PDE8B: variants seen among roughly 807,000 people sequenced by gnomAD.
The protein encoded by PDE8B is phosphodiesterase 8B, also known as high affinity cAMP-specific and IBMX-insensitive 3',5'-cyclic phosphodiesterase 8B.
A neutral mutation model predicts 101.3 loss-of-function variants in PDE8B; 26 were observed. The ratio of observed to expected loss-of-function variants is 0.26; its 90% CI spans 0.19 to 0.36. PDE8B has a LOEUF of 0.36. Ranked by LOEUF, PDE8B falls within the 10% of genes least tolerant of loss-of-function variation. The pLI is 1.00. For missense variants in PDE8B, 810 were observed against 1,163.1 expected (o/e 0.70, Z 4.42); for synonymous variants, 424 against 429.3 (o/e 0.99, Z 0.15).
chr5:77,205,975 T>C (rs1238001052), upstream of PDE8B, among the ~76,000 whole-genome samples: 1 of 152,206 alleles, frequency 6.6e-6, no homozygotes, highest in East Asian at 1.9e-4. Context: ...ATTTTATTAT[T>C]CTGGCTTTTT....
intron 1 of PDE8B, among the ~76,000 whole-genome samples, chr5:77,222,711 G>A (rs1361568370): frequency 6.6e-6 from 1 of 152,208 alleles, no homozygotes; most frequent in Non-Finnish European, 1.5e-5. Flanking sequence ...TTACGGATTG[G>A]GAATTGGGTT....
intron 11 of PDE8B, among the ~76,000 whole-genome samples, chr5:77,402,336 A>T (rs1246681665): frequency 6.6e-6 from 1 of 152,114 alleles, no homozygotes; most frequent in Non-Finnish European, 1.5e-5. Flanking sequence ...AAATTAGGAA[A>T]AGAGATAGTA....
At chr5:77,109,553 A>G in the PDE8B span, among the ~76,000 whole-genome samples, 2 of 152,204 alleles carry the variant, frequency 1.3e-5, no homozygotes, top group Non-Finnish European at 2.9e-5. Context: ...TGGCTAACCA[A>G]TGCTATATCT....
At chr5:77,223,568 G>A (rs897392050) in intron 1 of PDE8B, among the ~76,000 whole-genome samples, 2 of 151,856 alleles carry the variant, frequency 1.3e-5, no homozygotes, top group Non-Finnish European at 2.9e-5. Context: ...TCTAAGTCAA[G>A]CATTTACAAT....
intron 1 of PDE8B, among the ~76,000 whole-genome samples, chr5:77,230,031 G>A (rs1458757079): frequency 1.3e-5 from 2 of 152,168 alleles, no homozygotes; most frequent in African/African-American, 4.8e-5. Context: ...CGAAGTGGCC[G>A]TACCAGTTTC....
intron 2 of PDE8B, among the ~76,000 whole-genome samples, chr5:77,323,199 T>G (rs1348047383): frequency 6.6e-6 from 1 of 152,222 alleles, no homozygotes; most frequent in African/African-American, 2.4e-5. Flanking sequence ...GTTAACAGTT[T>G]GATTTGAAGG....
chr5:77,368,975 G>C (rs1016658779), intron 10 of PDE8B, among the ~76,000 whole-genome samples: 8 of 152,160 alleles, frequency 5.3e-5, no homozygotes, highest in African/African-American at 1.7e-4. Flanking sequence ...GGCTGAAGCA[G>C]GTGGATCACC....
chr5:77,097,333 G>A, the PDE8B span, among the ~76,000 whole-genome samples: 1 of 152,158 alleles, frequency 6.6e-6, no homozygotes, highest in Admixed American at 6.5e-5. Context: ...TGAGGGGATG[G>A]ATGCAGTGGC....
At chr5:77,204,351 C>T in the PDE8B span, among the ~76,000 whole-genome samples, 2 of 149,500 alleles carry the variant, frequency 1.3e-5, no homozygotes, top group African/African-American at 2.5e-5. Context: ...GCGGAGGTTG[C>T]AGTGAGCCGA....
intron 1 of PDE8B, among the ~76,000 whole-genome samples, chr5:77,307,621 G>T (rs1359991005): frequency 6.6e-6 from 1 of 152,016 alleles, no homozygotes; most frequent in African/African-American, 2.4e-5. Context: ...TCATGTGAAA[G>T]TGGATTGGTG....
the PDE8B span, among the ~76,000 whole-genome samples, chr5:77,128,557 C>T: frequency 1.3e-5 from 2 of 152,282 alleles, no homozygotes; most frequent in South Asian, 2.1e-4. Flanking sequence ...GCTACAGATC[C>T]AGTGTCTGGG....
At chr5:77,387,720 T>G (rs1054925971) in intron 10 of PDE8B, among the ~76,000 whole-genome samples, 8 of 152,204 alleles carry the variant, frequency 5.3e-5, no homozygotes, top group Non-Finnish European at 1.0e-4. Context: ...ACCAGTCAAA[T>G]GTAGGTTTGG....
At chr5:77,230,262 A>G (rs576968030) in intron 1 of PDE8B, among the ~76,000 whole-genome samples, 1 of 152,322 alleles carries the variant, frequency 6.6e-6, no homozygotes, top group South Asian at 2.1e-4. Flanking sequence ...GTTCTCTGCT[A>G]GATCCAGGGG....
chr5:77,177,025 C>T, the PDE8B span, among the ~76,000 whole-genome samples: 1 of 152,034 alleles, frequency 6.6e-6, no homozygotes, highest in African/African-American at 2.4e-5. Flanking sequence ...TCTCTTTCTT[C>T]CTCCTGTCCC....
chr5:77,222,612 G>A (rs866861943), intron 1 of PDE8B, among the ~76,000 whole-genome samples: 8 of 152,258 alleles, frequency 5.3e-5, no homozygotes, highest in Middle Eastern at 6.8e-3. Flanking sequence ...ATAGTTCCAC[G>A]TTTCGGGAGC....
intron 2 of PDE8B, among the ~76,000 whole-genome samples, chr5:77,322,964 T>G (rs1301937618): frequency 6.6e-6 from 1 of 152,248 alleles, no homozygotes; most frequent in Non-Finnish European, 1.5e-5. Context: ...AGTCAAAGAT[T>G]GAGGCATAAT....
chr5:77,149,450 AGGGG>A, the PDE8B span, among the ~76,000 whole-genome samples: 1 of 152,134 alleles, frequency 6.6e-6, no homozygotes, highest in African/African-American at 2.4e-5. Context: ...GATCTATTTG[AGGGG>A]GGAATTGCCA....
At chr5:77,305,833 G>A (rs189752770) in intron 1 of PDE8B, among the ~76,000 whole-genome samples, 1 of 152,210 alleles carries the variant, frequency 6.6e-6, no homozygotes, top group African/African-American at 2.4e-5. Flanking sequence ...GCCTATTTCT[G>A]TGCCCACAGC....
chr5:77,148,583 T>A, the PDE8B span: 1 of 152,330 alleles, frequency 6.6e-6, no homozygotes, highest in East Asian at 1.9e-4. Flanking sequence ...AGTGGGGATG[T>A]AGTGATATCT....
Sources: allele counts gnomAD v4.1 joint callset (sites outside exome capture counted in the v4.1 genomes callset), GRCh38; gene constraint gnomAD v4.1.1; transcripts MANE v1.5; gene names NCBI Gene and HGNC (gene_info 2026-07-23, HGNC 2026-07-21).